EML4: variants seen among roughly 807,000 people sequenced by gnomAD.
EML4 encodes the protein echinoderm microtubule-associated protein-like 4.
In EML4, 72 loss-of-function variants were observed where a neutral mutation model predicts 129.0. That is an observed-to-expected ratio of 0.56 (90% CI 0.46 to 0.68). The LOEUF is 0.68. Ranked by LOEUF, EML4 falls within the 30% of genes least tolerant of loss-of-function variation. The pLI is 0.00. For synonymous variants in EML4, 532 were observed against 405.0 expected (o/e 1.31, Z -3.77); for missense variants, 1,363 against 1,190.6 (o/e 1.14, Z -2.13).
chr2:42,298,746 A>C (rs900491076), intron 13 of EML4, among the ~76,000 whole-genome samples: 7 of 152,046 alleles, frequency 4.6e-5, no homozygotes, highest in South Asian at 2.1e-4. Flanking sequence ...AGTGTTTAAC[A>C]AGGTTTTTGT....
chr2:42,262,773 A>T (rs1022753424), intron 4 of EML4, among the ~76,000 whole-genome samples: 14 of 152,212 alleles, frequency 9.2e-5, no homozygotes, highest in African/African-American at 3.1e-4. Flanking sequence ...TACCATATGT[A>T]ATGTAATTAC....
chr2:42,214,995 G>A lies in EML4; in HGVS notation c.26-30510G>A, dbSNP rs753388281. Among the ~76,000 whole-genome samples, 12 of 152,312 alleles carry A rather than the reference G, an allele frequency of 7.9e-5. No individual in the cohort carries two copies. In the East Asian group the frequency reaches 9.6e-4, roughly 12 times the overall value. ...CATAAGAGCATGACTACTGGTAGGCGTGTTTCATTGGGGGTTCATCTGTGG... is the reference window on the plus strand; with the variant it reads ...CATAAGAGCATGACTACTGGTAGGCATGTTTCATTGGGGGTTCATCTGTGG... On this transcript the variant is annotated intron_variant, in intron 1 of 22. Coordinates refer to ENST00000318522, the MANE Select transcript of EML4 (RefSeq NM_019063.5).
chr2:42,242,963 A>G (rs1416601816), intron 1 of EML4, among the ~76,000 whole-genome samples: 2 of 151,974 alleles, frequency 1.3e-5, no homozygotes, highest in African/African-American at 2.4e-5. Context: ...ATTTTTGTAG[A>G]CATGGGTTCT....
chr2:42,247,637 A>T (rs1194210993), intron 2 of EML4, among the ~76,000 whole-genome samples: 1 of 152,198 alleles, frequency 6.6e-6, no homozygotes, highest in Non-Finnish European at 1.5e-5. Context: ...TGACTAATAA[A>T]GTGTTATATT....
At chr2:42,190,939 A>G (rs1164864404) in intron 1 of EML4, among the ~76,000 whole-genome samples, 1 of 152,234 alleles carries the variant, frequency 6.6e-6, no homozygotes, top group East Asian at 1.9e-4. Flanking sequence ...CTTTGTGTGC[A>G]GGCCACACAA....
At chr2:42,248,687 A>G (rs142214060) in intron 2 of EML4, among the ~76,000 whole-genome samples, 88 of 151,800 alleles carry the variant, frequency 5.8e-4, no homozygotes, top group African/African-American at 2.1e-3. Flanking sequence ...CTAATTAGAG[A>G]TTTTTTTTCC....
chr2:42,316,550 A>G (rs888676358), intron 18 of EML4, among the ~76,000 whole-genome samples: 4 of 152,220 alleles, frequency 2.6e-5, no homozygotes, highest in African/African-American at 7.2e-5. Context: ...TAAGAATTTG[A>G]TATATTCCTT....
chr2:42,311,230 T>A (rs1393049824), intron 17 of EML4, among the ~76,000 whole-genome samples: 1 of 152,220 alleles, frequency 6.6e-6, no homozygotes, highest in Non-Finnish European at 1.5e-5. Context: ...AAGATTAAAC[T>A]GACTTTGAAA....
chr2:42,196,273 A>G (rs1671891384), intron 1 of EML4, among the ~76,000 whole-genome samples: 1 of 152,352 alleles, frequency 6.6e-6, no homozygotes, highest in Admixed American at 6.5e-5. Flanking sequence ...GCAAGATCAG[A>G]TTAAAAGGAC....
At chr2:42,204,495 G>GT (rs1407349089) in intron 1 of EML4, among the ~76,000 whole-genome samples, 2 of 152,152 alleles carry the variant, frequency 1.3e-5, no homozygotes, top group African/African-American at 2.4e-5. Flanking sequence ...GCCATTGACA[G>GT]TACCCAAAAG....
At position 42,282,933 on chromosome 2, in the gene EML4, C is replaced by T. The variant is rs1667092504; in HGVS notation, c.902C>T (p.Thr301Ile). ...VVVLFNYEER[T>I]QRHYLGHTDC... ...GTACTATTTAATTATGAGGAGAGAA[C>T]TCAGCGACACTACCTGGGCCATACA... Residue 301 changes from threonine (T) to isoleucine (I), a missense_variant, in exon 8 of 23, where the codon ACT (threonine) becomes ATT (isoleucine). Physicochemically the swap from Thr to Ile is moderately conservative, Grantham distance 89. Transcript: ENST00000318522. The T allele has an allele frequency of 6.2e-7, 1 of 1,613,684 alleles. No homozygotes were observed. The highest frequency in any genetic ancestry group is 1.1e-5 in the South Asian group (1 of 91,064).
chr2:42,185,977 G>A (rs796471103), intron 1 of EML4, among the ~76,000 whole-genome samples: 2 of 152,080 alleles, frequency 1.3e-5, no homozygotes, highest in Admixed American at 6.6e-5. Context: ...GGCACTTTAT[G>A]CATATGAGTT....
intron 1 of EML4, among the ~76,000 whole-genome samples, chr2:42,191,822 G>T (rs971060886): frequency 6.6e-6 from 1 of 152,102 alleles, no homozygotes; most frequent in Non-Finnish European, 1.5e-5. Context: ...CACTTTGGGA[G>T]GCTGAGGCGG....
At chr2:42,233,897 G>T (rs1386031560) in intron 1 of EML4, among the ~76,000 whole-genome samples, 1 of 152,132 alleles carries the variant, frequency 6.6e-6, no homozygotes, top group African/African-American at 2.4e-5. Context: ...TTCCTACTAG[G>T]AAAAATACTT....
chr2:42,211,711 T>TA (rs1251310497), intron 1 of EML4, among the ~76,000 whole-genome samples: 12 of 152,188 alleles, frequency 7.9e-5, no homozygotes, highest in African/African-American at 2.9e-4. Flanking sequence ...TTGTTCCTGT[T>TA]ACTGCATCGT....
In EML4 at chr2:42,280,938, G is replaced by A. The variant is rs370639523; in HGVS notation, c.756G>A (p.Thr252=). Residue 252 remains threonine (T), a synonymous_variant, in exon 7 of 23, where the codon ACG becomes ACA. Coordinates refer to ENST00000318522, the MANE Select transcript of EML4 (RefSeq NM_019063.5). ...SDVDNYDDIR[T]ELPPEKLKLE... is the part of the protein sequence containing the mutation. ...TTGACAACTATGATGACATCAGAAC[G>A]GAACTGCCTCCTGAGAAGCTCAAAC... 16 of 1,610,258 alleles carry A rather than the reference G, an allele frequency of 9.9e-6. No homozygotes were observed. The highest frequency in any genetic ancestry group is 5.3e-5 in the African/African-American group (4 of 74,776).
chr2:42,186,478 G>A (rs1052988832), intron 1 of EML4, among the ~76,000 whole-genome samples: 17 of 152,166 alleles, frequency 1.1e-4, no homozygotes, highest in Non-Finnish European at 2.2e-4. Flanking sequence ...AAATGTATGA[G>A]AAAGTGTTTT....
intron 13 of EML4, among the ~76,000 whole-genome samples, chr2:42,299,319 TA>T (rs1668142503): frequency 6.6e-6 from 1 of 152,210 alleles, no homozygotes; most frequent in African/African-American, 2.4e-5. Context: ...GTCAATTTGT[TA>T]AGTATAATAG....
intron 1 of EML4, among the ~76,000 whole-genome samples, chr2:42,224,030 T>G (rs1045602638): frequency 1.3e-5 from 2 of 152,034 alleles, no homozygotes; most frequent in Non-Finnish European, 2.9e-5. Context: ...TGAATGAGGG[T>G]TTTTTTGTTG....
Sources: gnomAD v4.1 joint callset for allele counts (sites outside exome capture counted in the v4.1 genomes callset) on GRCh38, gnomAD v4.1.1 for gene constraint, MANE v1.5 for transcripts, NCBI Gene and HGNC (gene_info 2026-07-23, HGNC 2026-07-21) for gene names.